Variants in DLG2 observed in about 807,000 individuals in gnomAD.
DLG2 encodes the protein discs large MAGUK scaffold protein 2.
In DLG2, 45 loss-of-function variants were observed where a neutral mutation model predicts 132.5. The ratio of observed to expected loss-of-function variants is 0.34; its 90% CI spans 0.27 to 0.44. The LOEUF (loss-of-function observed/expected upper bound fraction) is 0.44, where lower values mean the gene tolerates loss of function less well. Ranked by LOEUF, DLG2 falls within the 20% of genes least tolerant of loss-of-function variation. The probability of loss-of-function intolerance (pLI) is 1.00; values close to 1 mark genes in which losing one functional copy is unlikely to be tolerated. For missense variants in DLG2, 1,045 were observed against 1,196.9 expected, an observed-to-expected ratio of 0.87 and a Z score of 1.87; for synonymous variants, 424 against 419.6, an observed-to-expected ratio of 1.01 and a Z score of -0.13.
intron 15 of DLG2, among the ~76,000 whole-genome samples, chr11:83,927,374 G>A (rs2079173408): frequency 6.6e-6 from 1 of 152,086 alleles, no homozygotes; most frequent in Non-Finnish European, 1.5e-5. Context: ...AATATATAAT[G>A]GGGGCCTGAT....
intron 8 of DLG2, among the ~76,000 whole-genome samples, chr11:84,174,036 T>TTTTTTTTC (rs1491130141): frequency 1.5e-5 from 2 of 130,154 alleles, no homozygotes; most frequent in East Asian, 2.2e-4. Context: ...TTTTTTTTTT[T>TTTTTTTTC]CTGAGTAAAC....
intron 6 of DLG2, among the ~76,000 whole-genome samples, chr11:84,758,294 T>A (rs1487891944): frequency 6.6e-6 from 1 of 152,244 alleles, no homozygotes; most frequent in East Asian, 1.9e-4. Context: ...TCTGGATTTT[T>A]TACAGGCAGC....
intron 21 of DLG2, among the ~76,000 whole-genome samples, chr11:83,528,751 A>G (rs2095667767): frequency 6.6e-6 from 1 of 152,102 alleles, no homozygotes; most frequent in Non-Finnish European, 1.5e-5. Context: ...CTGATTTTTA[A>G]AATAAAGACT....
chr11:83,609,741 A>C (rs1014116328), intron 19 of DLG2, among the ~76,000 whole-genome samples: 3 of 152,142 alleles, frequency 2.0e-5, no homozygotes, highest in Non-Finnish European at 4.4e-5. Flanking sequence ...TCTATTTCCA[A>C]GCAAAAAAAA....
intron 5 of DLG2, among the ~76,000 whole-genome samples, chr11:85,145,843 T>A (rs1212460934): frequency 1.3e-5 from 2 of 152,100 alleles, no homozygotes; most frequent in African/African-American, 4.8e-5. Context: ...GGTGACTTAT[T>A]TAGTTTGTTT....
intron 8 of DLG2, among the ~76,000 whole-genome samples, chr11:84,241,895 A>G (rs2097232273): frequency 6.6e-6 from 1 of 152,168 alleles, no homozygotes; most frequent in African/African-American, 2.4e-5. Flanking sequence ...AGCTTTGGGG[A>G]GGAGCTGGAG....
intron 6 of DLG2, among the ~76,000 whole-genome samples, chr11:84,795,531 G>C (rs1416417799): frequency 6.6e-6 from 1 of 152,154 alleles, no homozygotes. Context: ...CTGTCACTCA[G>C]TAAAGCACCT....
At position 85,111,737 on chromosome 11, in the gene DLG2, T is replaced by C; in HGVS notation, c.283-2A>G. ...GGCTGGGCATCTGCCTTGGTTTTGC[T>C]GCAAATAAGTAAAAATTATATTATA... On this transcript the variant is annotated splice_acceptor_variant, in intron 5 of 27. Transcript: ENST00000376104. LOFTEE classifies it high-confidence loss of function. 1.3e-6 allele frequency: 2 copies of C among 1,552,296 alleles called. No individual in the cohort carries two copies. The highest frequency in any genetic ancestry group is 2.4e-5 in the South Asian group (2 of 83,858).
intron 3 of DLG2, among the ~76,000 whole-genome samples, chr11:85,541,062 A>G (rs2075934207): frequency 6.6e-6 from 1 of 152,218 alleles, no homozygotes; most frequent in South Asian, 2.1e-4. Context: ...TGACTCAAAT[A>G]AATTCTTTAG....
chr11:85,488,187 A>G (rs112249985), intron 3 of DLG2, among the ~76,000 whole-genome samples: 15,191 of 152,156 alleles, frequency 0.1, 848 homozygotes, highest in African/African-American at 0.14. Flanking sequence ...TCAGGAGTTT[A>G]AGACCAGTCT....
chr11:83,484,216 T>TGTCA lies in DLG2; in HGVS notation c.2202_2205dup (p.Lys736Ter). ...GAAAAGATGAAGCTCTTTTTACGCT[T>TGTCA]GTCATTGAATGACTGTGAAGGAGAA... On this transcript the variant is annotated stop_gained and frameshift_variant, in exon 22 of 28. Coordinates refer to ENST00000376104, the MANE Select transcript of DLG2 (RefSeq NM_001142699.3). LOFTEE classifies it high-confidence loss of function. 1 of 1,613,046 alleles carries TGTCA rather than the reference T, an allele frequency of 6.2e-7. No homozygotes were observed. Among genetic ancestry groups the TGTCA allele is most frequent in the East Asian group, 2.2e-5 (1 of 44,856 alleles).
intron 6 of DLG2, among the ~76,000 whole-genome samples, chr11:84,726,882 T>C (rs2062538565): frequency 6.6e-6 from 1 of 152,238 alleles, no homozygotes; most frequent in Non-Finnish European, 1.5e-5. Context: ...CATATGTCTG[T>C]TGGCTGCATA....
chr11:84,756,619 C>T (rs2066912585), intron 6 of DLG2, among the ~76,000 whole-genome samples: 1 of 149,982 alleles, frequency 6.7e-6, no homozygotes, highest in East Asian at 2.0e-4. Context: ...TGTGTAGATT[C>T]TAGTATACAC....
intron 6 of DLG2, among the ~76,000 whole-genome samples, chr11:84,987,003 T>C (rs11823448): frequency 0.045 from 6,810 of 152,202 alleles, 239 homozygotes; most frequent in African/African-American, 0.09. Flanking sequence ...GATTATTTAC[T>C]TAGAAAACCT....
At chr11:83,736,975 C>T (rs1307965263) in intron 18 of DLG2, among the ~76,000 whole-genome samples, 1 of 152,144 alleles carries the variant, frequency 6.6e-6, no homozygotes, top group East Asian at 1.9e-4. Flanking sequence ...ATCTGAAAAG[C>T]AAAATATTCC....
intron 10 of DLG2, among the ~76,000 whole-genome samples, chr11:84,066,871 T>C (rs182861854): frequency 2.6e-5 from 4 of 152,316 alleles, no homozygotes; most frequent in Admixed American, 1.3e-4. Context: ...TGCGCTTTAC[T>C]GTTTCTATCA....
intron 6 of DLG2, among the ~76,000 whole-genome samples, chr11:84,868,066 TC>T (rs1401670398): frequency 1.3e-4 from 20 of 149,944 alleles, no homozygotes; most frequent in African/African-American, 4.9e-4. Context: ...AAAGCGAGGT[TC>T]CGTCTCAAAA....
intron 4 of DLG2, among the ~76,000 whole-genome samples, chr11:85,188,503 A>G (rs2080293607): frequency 6.6e-6 from 1 of 152,196 alleles, no homozygotes; most frequent in South Asian, 2.1e-4. Flanking sequence ...TGCTCAAGAG[A>G]AAAGCAGTCA....
chr11:83,838,820 C>T (rs1319061910), intron 16 of DLG2, among the ~76,000 whole-genome samples: 1 of 151,320 alleles, frequency 6.6e-6, no homozygotes, highest in East Asian at 1.9e-4. Flanking sequence ...CACATTTGCA[C>T]TTCTTATAAA....
Sources: allele counts gnomAD v4.1 joint callset (sites outside exome capture counted in the v4.1 genomes callset), GRCh38; gene constraint gnomAD v4.1.1; transcripts MANE v1.5; gene names NCBI Gene and HGNC (gene_info 2026-07-23, HGNC 2026-07-21).